Variants in DACH2 observed in about 807,000 individuals in gnomAD.
The protein encoded by DACH2 is dachshund homolog 2.
DACH2 carries 17 observed loss-of-function variants against 35.8 expected under a neutral mutation model. That is an observed-to-expected ratio of 0.48 (90% CI 0.33 to 0.71). The LOEUF (loss-of-function observed/expected upper bound fraction) is 0.71. Among genes scored for constraint, DACH2 ranks in the 30% least tolerant of loss-of-function variants. The probability of loss-of-function intolerance (pLI) is 0.02; values close to 1 mark genes in which losing one functional copy is unlikely to be tolerated. For synonymous variants in DACH2, 195 were observed against 177.3 expected (o/e 1.10, Z -0.79); for missense variants, 469 against 472.7 (o/e 0.99, Z 0.07).
chrX:86,591,941 G>C (rs1049981345), intron 3 of DACH2, among the ~76,000 whole-genome samples: 53 of 111,625 alleles, frequency 4.7e-4, no homozygotes, highest in Non-Finnish European at 1.1e-4. Flanking sequence ...TGTTTTGTAA[G>C]ATTCGTTTCT....
At chrX:86,178,056 A>G (rs753436422) in intron 1 of DACH2, among the ~76,000 whole-genome samples, 3 of 111,941 alleles carry the variant, frequency 2.7e-5, no homozygotes, top group Non-Finnish European at 5.7e-5. Flanking sequence ...AGAACTTCAA[A>G]TGAATATTTT....
intron 1 of DACH2, among the ~76,000 whole-genome samples, chrX:86,195,484 G>T (rs748274711): frequency 9.0e-6 from 1 of 111,163 alleles, no homozygotes; most frequent in East Asian, 2.9e-4. Flanking sequence ...GCCAGCAGGG[G>T]CTGCCTGCAC....
rs575250803 is a variant in DACH2 at position 86,359,012 on chromosome X, G to A, written c.489-17812G>A. ...TTGTATAGCCAGTGGAATGTGATAC[G>A]TTGGTAGATGTTATGTATTGGTCAA... On this transcript the variant is annotated intron_variant, in intron 1 of 11. Coordinates refer to ENST00000373125, the MANE Select transcript of DACH2 (RefSeq NM_053281.3). Among the ~76,000 whole-genome samples, 25 of 109,830 alleles carry A rather than the reference G, an allele frequency of 2.3e-4. No homozygotes were observed. The South Asian group carries it at 6.4e-3, about 28-fold the overall frequency.
intron 1 of DACH2, among the ~76,000 whole-genome samples, chrX:86,185,582 G>T (rs886736073): frequency 9.0e-6 from 1 of 111,441 alleles, no homozygotes; most frequent in Non-Finnish European, 1.9e-5. Flanking sequence ...CTTACTGTTA[G>T]TTAATATCAG....
intron 4 of DACH2, among the ~76,000 whole-genome samples, chrX:86,659,209 A>G (rs960769571): frequency 9.0e-6 from 1 of 110,525 alleles, no homozygotes; most frequent in Non-Finnish European, 1.9e-5. Flanking sequence ...AGAATTTTCA[A>G]CTTTCACTAC....
At chrX:86,667,544 AGAAG>A (rs1569463651) in intron 4 of DACH2, among the ~76,000 whole-genome samples, 6 of 36,639 alleles carry the variant, frequency 1.6e-4, no homozygotes, top group Non-Finnish European at 3.0e-4. Context: ...AAAGAAAGAA[AGAAG>A]AAAGAAAGAA....
At chrX:86,585,972 C>A (rs1240256391) in intron 3 of DACH2, among the ~76,000 whole-genome samples, 1 of 111,504 alleles carries the variant, frequency 9.0e-6, no homozygotes, top group Non-Finnish European at 1.9e-5. Flanking sequence ...GTTTTAAGTT[C>A]TTTGAAAAAT....
At chrX:86,407,798 C>T (rs766750704) in intron 2 of DACH2, among the ~76,000 whole-genome samples, 17 of 111,990 alleles carry the variant, frequency 1.5e-4, no homozygotes, top group Non-Finnish European at 3.0e-4. Flanking sequence ...TGAAGTGGTT[C>T]TTCAGAAGAA....
chrX:86,475,575 A>AT (rs1254932643), intron 2 of DACH2, among the ~76,000 whole-genome samples: 1 of 112,068 alleles, frequency 8.9e-6, no homozygotes, highest in Non-Finnish European at 1.9e-5. Flanking sequence ...AGTTCTAACA[A>AT]TTTTTTGGTG....
intron 6 of DACH2, among the ~76,000 whole-genome samples, chrX:86,719,373 G>A (rs1172126916): frequency 2.7e-5 from 3 of 111,711 alleles, no homozygotes; most frequent in Admixed American, 9.5e-5. Flanking sequence ...GGAGACTGAG[G>A]TTTTCTAGAT....
intron 2 of DACH2, among the ~76,000 whole-genome samples, chrX:86,382,299 T>A (rs2036057722): frequency 9.1e-6 from 1 of 109,627 alleles, no homozygotes; most frequent in Non-Finnish European, 1.9e-5. Flanking sequence ...TATCCTGAGG[T>A]TTAACACAGA....
intron 4 of DACH2, among the ~76,000 whole-genome samples, chrX:86,663,563 G>C (rs957838066): frequency 9.0e-6 from 1 of 111,527 alleles, no homozygotes; most frequent in African/African-American, 3.3e-5. Context: ...AACAACAGGA[G>C]AGAAAAAAGA....
chrX:86,219,694 G>A (rs1171560708), intron 1 of DACH2, among the ~76,000 whole-genome samples: 1 of 111,007 alleles, frequency 9.0e-6, no homozygotes, highest in African/African-American at 3.3e-5. Flanking sequence ...ATGTGCAAAA[G>A]CTTTTTAGTT....
At position 86,719,273 on chromosome X, in the gene DACH2, A is replaced by G. The variant is rs1320083570; in HGVS notation, c.1104+4553A>G. Among the ~76,000 whole-genome samples, 5 of 111,864 alleles carry G rather than the reference A, an allele frequency of 4.5e-5. No individual in the cohort carries two copies. In the East Asian group the frequency reaches 1.4e-3, roughly 31 times the overall value. On this transcript the variant is annotated intron_variant, in intron 6 of 11. Coordinates refer to ENST00000373125, the MANE Select transcript of DACH2 (RefSeq NM_053281.3). The stretch of plus-strand genomic sequence containing the variant: ...TCTTTATTTGTTTATCTGCTGGATC[A>G]TTATTGGTATGTATAAATGCTACCA...
intron 1 of DACH2, among the ~76,000 whole-genome samples, chrX:86,252,180 T>C (rs1450463429): frequency 9.0e-6 from 1 of 110,628 alleles, no homozygotes; most frequent in East Asian, 2.8e-4. Context: ...GCCCTCTTTT[T>C]GATGTGATTG....
At chrX:86,261,069 G>A (rs1289024202) in intron 1 of DACH2, among the ~76,000 whole-genome samples, 1 of 111,898 alleles carries the variant, frequency 8.9e-6, no homozygotes, top group African/African-American at 3.2e-5. Flanking sequence ...TGCCTGCATT[G>A]CCTTTTGTCA....
intron 3 of DACH2, among the ~76,000 whole-genome samples, chrX:86,570,921 A>G (rs1016416894): frequency 9.0e-6 from 1 of 111,009 alleles, no homozygotes; most frequent in Non-Finnish European, 1.9e-5. Flanking sequence ...TGTGTTTTTC[A>G]AAGAGCTGTA....
chrX:86,315,894 G>A (rs946929951), intron 1 of DACH2, among the ~76,000 whole-genome samples: 16 of 107,792 alleles, frequency 1.5e-4, no homozygotes, highest in South Asian at 4.2e-4. Flanking sequence ...GAAAAGAACC[G>A]CTCTCTGTCA....
At chrX:86,256,836 T>G (rs1412032106) in intron 1 of DACH2, among the ~76,000 whole-genome samples, 1 of 111,596 alleles carries the variant, frequency 9.0e-6, no homozygotes, top group Admixed American at 9.6e-5. Flanking sequence ...AGAGATTAGA[T>G]CTCCACCTCA....
Sources: allele counts gnomAD v4.1 joint callset (sites outside exome capture counted in the v4.1 genomes callset), GRCh38; gene constraint gnomAD v4.1.1; transcripts MANE v1.5; gene names NCBI Gene and HGNC (gene_info 2026-07-23, HGNC 2026-07-21).